MILR1: variants seen among roughly 807,000 people sequenced by gnomAD.
MILR1 encodes allergin-1.
A neutral mutation model predicts 18.5 loss-of-function variants in MILR1; 31 were observed. The observed-to-expected ratio is 1.68, with a 90% CI of 1.26 to 2.26. The LOEUF is 2.26. MILR1 is among the 30% of genes most tolerant of loss of function. The probability of loss-of-function intolerance (pLI) is 0.00; values close to 1 mark genes in which losing one functional copy is unlikely to be tolerated. For missense variants in MILR1, 257 were observed against 157.4 expected (o/e 1.63, Z -3.38); for synonymous variants, 85 against 56.2 (o/e 1.51, Z -2.30).
intron 3 of MILR1, among the ~76,000 whole-genome samples, chr17:64,453,396 C>T: frequency 6.6e-6 from 1 of 151,998 alleles, no homozygotes; most frequent in African/African-American, 2.4e-5. Flanking sequence ...CATTCCGTTT[C>T]ACCTTCTCTT....
the MILR1 span, chr17:64,483,993 G>C: frequency 6.6e-6 from 1 of 152,286 alleles, no homozygotes; most frequent in Admixed American, 6.5e-5. Context: ...GGGATTATAG[G>C]CGTGAGCCAT....
intron 4 of MILR1, among the ~76,000 whole-genome samples, chr17:64,459,911 C>T (rs1458377786): frequency 6.6e-6 from 1 of 152,068 alleles, no homozygotes; most frequent in East Asian, 1.9e-4. Flanking sequence ...TTCTGTGCTG[C>T]TTTTCTCTTC....
chr17:64,453,138 G>A (rs1424705451), intron 3 of MILR1, among the ~76,000 whole-genome samples: 1 of 148,736 alleles, frequency 6.7e-6, no homozygotes, highest in African/African-American at 2.5e-5. Context: ...GTGAAATCAT[G>A]GTCCACTGCA....
chr17:64,486,469 C>G, the MILR1 span, among the ~76,000 whole-genome samples: 16 of 151,818 alleles, frequency 1.1e-4, 1 homozygote, highest in African/African-American at 3.9e-4. Context: ...TCAAGTGATT[C>G]TCTTGCCTCA....
At chr17:64,472,465 CAAAAAAAAAAAAAAAAA>C (rs71158332), downstream of MILR1, among the ~76,000 whole-genome samples, 67 of 13,920 alleles carry the variant, frequency 4.8e-3, no homozygotes, top group Admixed American at 0.017. Context: ...GACTCCATCT[CAAAAAAAAAAAAAAAAA>C]AAAAAAAAAA....
At chr17:64,458,464 C>T (rs972407100) in intron 4 of MILR1, among the ~76,000 whole-genome samples, 4 of 151,916 alleles carry the variant, frequency 2.6e-5, no homozygotes, top group Non-Finnish European at 5.9e-5. Flanking sequence ...CTGCCCACCT[C>T]GGCCTCCCAA....
At chr17:64,462,477 C>T (rs1475380995) in intron 5 of MILR1, among the ~76,000 whole-genome samples, 1 of 152,098 alleles carries the variant, frequency 6.6e-6, no homozygotes, top group African/African-American at 2.4e-5. Context: ...CTGCCACATA[C>T]GTAGGGGAGG....
At chr17:64,497,174 T>C in the MILR1 span, 6 of 645,562 alleles carry the variant, frequency 9.3e-6, no homozygotes, top group South Asian at 5.2e-5. Flanking sequence ...CCGGCTCGGA[T>C]GGTTCTCTGC....
At chr17:64,483,526 AAAC>A in the MILR1 span, among the ~76,000 whole-genome samples, 1 of 151,176 alleles carries the variant, frequency 6.6e-6, no homozygotes, top group Non-Finnish European at 1.5e-5. Flanking sequence ...AAAAAAAAAA[AAAC>A]AAATTAACTT....
the MILR1 span, chr17:64,496,303 C>T: frequency 1.4e-6 from 1 of 736,382 alleles, no homozygotes. Flanking sequence ...TAACTAACTT[C>T]CTTGCATGGG....
chr17:64,496,800 G>C, the MILR1 span: 1 of 1,613,800 alleles, frequency 6.2e-7, no homozygotes, highest in South Asian at 1.1e-5. Flanking sequence ...GGGGCTTCTG[G>C]GTGCTCGCCG....
At chr17:64,473,194 C>A (rs2037716004), downstream of MILR1, among the ~76,000 whole-genome samples, 3 of 151,824 alleles carry the variant, frequency 2.0e-5, no homozygotes, top group Non-Finnish European at 4.4e-5. Context: ...CTAAAAAATT[C>A]AAAAACATTG....
the MILR1 span, among the ~76,000 whole-genome samples, chr17:64,494,531 C>T: frequency 9.9e-5 from 15 of 152,128 alleles, no homozygotes; most frequent in African/African-American, 3.4e-4. Context: ...TTTCCTTCTA[C>T]ATTTATTCCA....
the MILR1 span, among the ~76,000 whole-genome samples, chr17:64,475,606 G>A: frequency 6.9e-5 from 10 of 145,706 alleles, no homozygotes; most frequent in South Asian, 2.2e-4. Context: ...CTGAGTTTGC[G>A]CCACTGTACT....
chr17:64,497,100 C>A, the MILR1 span: 18 of 923,676 alleles, frequency 1.9e-5, no homozygotes, highest in Admixed American at 3.2e-4. Context: ...GGGCGGCAGG[C>A]CCCACCCCGG....
rs1555663682 is a variant in MILR1, at chr17:64,467,566, A to G, written c.981A>G (p.Glu327=). ...ATTATTTTCCCTTTTATATTTCAGA[A>G]GCCTGTGATTCTTATAAATCTGGAT... ...VFQEVAPREQ[E]ACDSYKSGYV... is the part of the protein sequence containing the mutation. Residue 327 remains glutamate (E), a splice_region_variant and synonymous_variant, in exon 9 of 10, where the codon GAA becomes GAG. Transcript: ENST00000619286. The G allele has an allele frequency of 1.3e-6, 2 of 1,519,958 alleles. No homozygotes were observed. Among genetic ancestry groups the G allele is most frequent in the Admixed American group, 2.0e-5 (1 of 50,120 alleles). 94.2% of individuals were successfully genotyped at this position (1,519,958 alleles called of 1,614,324 possible).
At chr17:64,492,485 T>TGGTACAAAG in the MILR1 span, among the ~76,000 whole-genome samples, 4 of 152,226 alleles carry the variant, frequency 2.6e-5, no homozygotes. Context: ...AACAAATGTT[T>TGGTACAAAG]TTACCAAAGT....
chr17:64,494,211 T>C, the MILR1 span, among the ~76,000 whole-genome samples: 1 of 152,252 alleles, frequency 6.6e-6, no homozygotes, highest in African/African-American at 2.4e-5. Flanking sequence ...TCATAGATTG[T>C]CTCACATTTG....
chr17:64,461,613 T>C (rs1411578307), intron 5 of MILR1, among the ~76,000 whole-genome samples: 1 of 152,126 alleles, frequency 6.6e-6, no homozygotes, highest in Non-Finnish European at 1.5e-5. Context: ...TGGTAAAATA[T>C]ACATAACACT....
Sources: gnomAD v4.1 joint callset for allele counts (sites outside exome capture counted in the v4.1 genomes callset) on GRCh38, gnomAD v4.1.1 for gene constraint, MANE v1.5 for transcripts, NCBI Gene and HGNC (gene_info 2026-07-23, HGNC 2026-07-21) for gene names.